DRAM1: variants seen among roughly 807,000 people sequenced by gnomAD.
DRAM1 encodes the protein DNA damage regulated autophagy modulator 1.
DRAM1 carries 25 observed loss-of-function variants against 28.5 expected under a neutral mutation model. The ratio of observed to expected loss-of-function variants is 0.88; its 90% CI spans 0.64 to 1.23. DRAM1 has a LOEUF of 1.23. Ranked by LOEUF, DRAM1 falls within the 50% of genes most tolerant of loss-of-function variation. The pLI is 0.00. For synonymous variants in DRAM1, 113 were observed against 114.2 expected, an observed-to-expected ratio of 0.99 and a Z score of 0.07; for missense variants, 249 against 299.2, an observed-to-expected ratio of 0.83 and a Z score of 1.24.
chr12:101,881,241 C>T (rs1872676198), intron 1 of DRAM1, among the ~76,000 whole-genome samples: 1 of 152,178 alleles, frequency 6.6e-6, no homozygotes, highest in Non-Finnish European at 1.5e-5. Flanking sequence ...GACTGTGCCA[C>T]TGCACTCCAG....
intron 1 of DRAM1, among the ~76,000 whole-genome samples, chr12:101,889,805 T>C (rs1873033395): frequency 6.6e-6 from 1 of 151,662 alleles, no homozygotes; most frequent in African/African-American, 2.4e-5. Flanking sequence ...CCATGCATGG[T>C]GGTGGGTGCC....
chr12:101,895,186 G>GTTTTTTTTTTGTTTGTTTT (rs1873300674), intron 1 of DRAM1, among the ~76,000 whole-genome samples: 1 of 75,720 alleles, frequency 1.3e-5, no homozygotes, highest in Non-Finnish European at 2.3e-5. Flanking sequence ...AACCCTTCAG[G>GTTTTTTTTTTGTTTGTTTT]TTTTTTTTTT....
intron 4 of DRAM1, among the ~76,000 whole-genome samples, chr12:101,910,653 T>C (rs1368171471): frequency 6.6e-6 from 1 of 151,794 alleles, no homozygotes; most frequent in East Asian, 2.0e-4. Context: ...ACTTTTCATA[T>C]TTTTAGTAGA....
At chr12:101,895,186 G>GTTTTTTTTTGTTTTGTTTTTTTTTTT (rs1873300407) in intron 1 of DRAM1, among the ~76,000 whole-genome samples, 3 of 75,718 alleles carry the variant, frequency 4.0e-5, no homozygotes, top group African/African-American at 5.5e-5. Flanking sequence ...AACCCTTCAG[G>GTTTTTTTTTGTTTTGTTTTTTTTTTT]TTTTTTTTTT....
intron 3 of DRAM1, among the ~76,000 whole-genome samples, chr12:101,907,469 G>T (rs752951397): frequency 6.6e-6 from 1 of 151,954 alleles, no homozygotes; most frequent in African/African-American, 2.4e-5. Context: ...GGTTGGGTGC[G>T]GTGGCTCACG....
intron 1 of DRAM1, among the ~76,000 whole-genome samples, chr12:101,897,390 G>T (rs2121084244): frequency 6.6e-6 from 1 of 151,320 alleles, no homozygotes; most frequent in East Asian, 2.0e-4. Context: ...AGTAGAGATG[G>T]GGGTTTTACC....
intron 4 of DRAM1, among the ~76,000 whole-genome samples, chr12:101,912,528 T>C (rs1044208473): frequency 3.3e-5 from 5 of 152,056 alleles, no homozygotes; most frequent in Non-Finnish European, 7.4e-5. Context: ...TAAGAATAAA[T>C]AAACGAAATA....
chr12:101,909,186 G>A (rs899391675), intron 4 of DRAM1, among the ~76,000 whole-genome samples: 35 of 151,220 alleles, frequency 2.3e-4, no homozygotes, highest in African/African-American at 8.0e-4. Flanking sequence ...GCTTGAACCC[G>A]GGAGATGGAG....
In DRAM1 at chr12:101,877,841, T is replaced by C. The variant is rs1366508426; in HGVS notation, c.52T>C (p.Trp18Arg). ...TTTCGTCCCCTTCCTCTTGGTGACC[T>C]GGTCGTCAGCCGCCTTCATTATCTC... ...MAFVPFLLVT[W>R]SSAAFIISYV... Residue 18 changes from tryptophan (W) to arginine (R), a missense_variant, in exon 1 of 7, where the codon TGG (tryptophan) becomes CGG (arginine). Coordinates refer to ENST00000258534, the MANE Select transcript of DRAM1 (RefSeq NM_018370.3). The surrounding 1 kb of genome is among the most constrained non-coding windows in gnomAD (Gnocchi z 4.1). 8 of 1,547,412 alleles carry C rather than the reference T, an allele frequency of 5.2e-6. No individual in the cohort carries two copies. The highest frequency in any genetic ancestry group is 7.0e-6 in the Non-Finnish European group (8 of 1,144,928).
At chr12:101,887,089 G>C (rs1872910750) in intron 1 of DRAM1, among the ~76,000 whole-genome samples, 1 of 149,768 alleles carries the variant, frequency 6.7e-6, no homozygotes, top group African/African-American at 2.5e-5. Context: ...ATGTTGCTGT[G>C]AGCTGAGATT....
chr12:101,895,862 G>A (rs114289019), intron 1 of DRAM1, among the ~76,000 whole-genome samples: 2 of 151,858 alleles, frequency 1.3e-5, no homozygotes, highest in East Asian at 1.9e-4. Flanking sequence ...GAACCACCGC[G>A]CCTGGTCGTA....
chr12:101,880,690 G>A (rs1273352490), intron 1 of DRAM1, among the ~76,000 whole-genome samples: 1 of 152,156 alleles, frequency 6.6e-6, no homozygotes, highest in Non-Finnish European at 1.5e-5. Flanking sequence ...GTCAAAGGCA[G>A]GTTTTGAATG....
intron 3 of DRAM1, among the ~76,000 whole-genome samples, chr12:101,904,278 T>C (rs1398622180): frequency 1.3e-5 from 2 of 151,606 alleles, no homozygotes; most frequent in Admixed American, 1.3e-4. Flanking sequence ...TGAGCCATCG[T>C]GCCCAGCCTA....
At chr12:101,912,107 G>T (rs1437033289) in intron 4 of DRAM1, among the ~76,000 whole-genome samples, 2 of 152,184 alleles carry the variant, frequency 1.3e-5, no homozygotes, top group African/African-American at 4.8e-5. Context: ...GCTGAGGCAG[G>T]AGAATCGCTT....
chr12:101,917,776 A>AG (rs1281523186), intron 5 of DRAM1, among the ~76,000 whole-genome samples: 1 of 133,350 alleles, frequency 7.5e-6, no homozygotes, highest in African/African-American at 3.3e-5. Flanking sequence ...GGCAAAAGGC[A>AG]GGTTTTTTTC....
chr12:101,895,186 G>GTTTTTTTTTTTTTTGTTTTTTTTGTTTTT (rs1873301395), intron 1 of DRAM1, among the ~76,000 whole-genome samples: 1 of 75,720 alleles, frequency 1.3e-5, no homozygotes, highest in Non-Finnish European at 2.3e-5. Context: ...AACCCTTCAG[G>GTTTTTTTTTTTTTTGTTTTTTTTGTTTTT]TTTTTTTTTT....
intron 1 of DRAM1, among the ~76,000 whole-genome samples, chr12:101,886,925 C>T (rs1872905331): frequency 6.6e-6 from 1 of 152,136 alleles, no homozygotes; most frequent in Non-Finnish European, 1.5e-5. Context: ...GTGGGCGGAT[C>T]ACTTGAGGTC....
At chr12:101,919,433 T>A (rs1246659904) in intron 5 of DRAM1, among the ~76,000 whole-genome samples, 1 of 152,216 alleles carries the variant, frequency 6.6e-6, no homozygotes, top group African/African-American at 2.4e-5. Context: ...TTTATTATTG[T>A]TAATTTTCTG....
chr12:101,910,990 C>T (rs554745219), intron 4 of DRAM1, among the ~76,000 whole-genome samples: 12 of 152,096 alleles, frequency 7.9e-5, no homozygotes, highest in Admixed American at 2.0e-4. Flanking sequence ...AATCCCAGCA[C>T]GTTGGGAGGC....
Sources: allele counts gnomAD v4.1 joint callset (sites outside exome capture counted in the v4.1 genomes callset), GRCh38; gene constraint gnomAD v4.1.1; non-coding constraint Gnocchi (gnomAD v3.1); transcripts MANE v1.5; gene names NCBI Gene and HGNC (gene_info 2026-07-23, HGNC 2026-07-21).